The following ACCS variants were observed in gnomAD, a reference collection of about 807,000 sequenced individuals.
The protein encoded by ACCS is 1-aminocyclopropane-1-carboxylate synthase-like protein 1.
ACCS carries 42 observed loss-of-function variants against 59.8 expected under a neutral mutation model. The ratio of observed to expected loss-of-function variants is 0.70; its 90% CI spans 0.55 to 0.91. ACCS has a LOEUF of 0.91. Among genes scored for constraint, ACCS ranks in the 40% least tolerant of loss-of-function variants. The pLI is 0.00. For missense variants in ACCS, 602 were observed against 630.4 expected (o/e 0.95, Z 0.48); for synonymous variants, 230 against 240.3 (o/e 0.96, Z 0.40).
rs201804463 is a variant in ACCS at position 44,074,693 on chromosome 11, C to G, written c.489+12C>G. On this transcript the variant is annotated intron_variant, in intron 5 of 14. Coordinates refer to ENST00000263776, the MANE Select transcript of ACCS (RefSeq NM_032592.4). ...TCAGACCAGAGAATGTGAGTGGCCC[C>G]CTCCACTGCTCCTTCCTGTTCTCCT... The G allele has an allele frequency of 3.8e-6, 6 of 1,561,330 alleles. No homozygotes were observed. Among genetic ancestry groups the G allele is most frequent in the Non-Finnish European group, 5.2e-6 (6 of 1,153,904 alleles).
intron 6 of ACCS, among the ~76,000 whole-genome samples, chr11:44,076,141 T>C (rs1384088925): frequency 6.6e-6 from 1 of 152,194 alleles, no homozygotes; most frequent in African/African-American, 2.4e-5. Flanking sequence ...AGTGCTCTCT[T>C]AGCATGGAAG....
chr11:44,077,713 C>T, intron 7 of ACCS, 132 bp from the exon 8 acceptor site: 1 of 1,465,782 alleles, frequency 6.8e-7, no homozygotes, highest in South Asian at 1.4e-5. Context: ...GGGAGGGACC[C>T]CACCTGCTTT....
intron 12 of ACCS, among the ~76,000 whole-genome samples, chr11:44,082,613 C>T (rs915286888): frequency 3.3e-5 from 5 of 152,118 alleles, no homozygotes; most frequent in Non-Finnish European, 7.3e-5. Context: ...TGTTTATAGT[C>T]ACATCAGAGA....
At chr11:44,074,332 ATGTT>A (rs1953205857) in intron 4 of ACCS, among the ~76,000 whole-genome samples, 1 of 152,088 alleles carries the variant, frequency 6.6e-6, no homozygotes, top group Non-Finnish European at 1.5e-5. Context: ...TGTAGTAATA[ATGTT>A]TATTAGTATA....
chr11:44,079,458 T>C lies in ACCS; in HGVS notation c.834-73T>C, dbSNP rs1953534568. On this transcript the variant is annotated intron_variant, in intron 9 of 14. Transcript: ENST00000263776. ...CCGGCCCCTCTGGATTTCTGATGTA[T>C]TACCTCCCCACCCTGTGGGACGCAT... 5 of 1,315,920 alleles carry C rather than the reference T, an allele frequency of 3.8e-6. No homozygotes were observed. The South Asian group carries it at 6.4e-5, about 17-fold the overall frequency. The allele number at this position is 1,315,920 out of a possible 1,614,324, so 81.5% of individuals were successfully genotyped here.
intron 2 of ACCS, 47 bp downstream of exon 2, chr11:44,067,962 G>A: frequency 6.5e-7 from 1 of 1,542,886 alleles, no homozygotes. Context: ...GAACTGCAGG[G>A]TGGGGTACCC....
chr11:44,068,246 A>G (rs1952884706), intron 2 of ACCS, among the ~76,000 whole-genome samples: 1 of 152,168 alleles, frequency 6.6e-6, no homozygotes, highest in Non-Finnish European at 1.5e-5. Context: ...TTTTACTTAT[A>G]GGTTGTGTGT....
intron 2 of ACCS, among the ~76,000 whole-genome samples, chr11:44,071,026 TA>T (rs1953024238): frequency 1.3e-5 from 2 of 152,084 alleles, no homozygotes; most frequent in Non-Finnish European, 2.9e-5. Context: ...GGTGGGGTTA[TA>T]GGGGGGACTT....
rs569098335 is a variant in ACCS at position 44,072,161 on chromosome 11, T to TTTA, written c.348+849_348+851dup. On this transcript the variant is annotated intron_variant, in intron 3 of 14. Coordinates refer to ENST00000263776, the MANE Select transcript of ACCS (RefSeq NM_032592.4). ...ATAGGGAATAGATTTTATTTATTTA[T>TTTA]TTATTTATTTATTTAAGATGGAGTC... The TTTA allele has an allele frequency of 1.0e-3, 153 of 151,832 alleles. 1 individual carries two copies. The highest frequency in any genetic ancestry group is 3.4e-3 in the African/African-American group (139 of 41,384). 9.4% of individuals were successfully genotyped at this position (151,832 alleles called of 1,614,324 possible). A position where few individuals can be genotyped will look rare whatever the true frequency, so the allele number is the denominator to read the frequency against.
intron 6 of ACCS, 60 bp downstream of exon 6, chr11:44,075,652 A>C: frequency 6.3e-7 from 1 of 1,584,496 alleles, no homozygotes; most frequent in South Asian, 1.1e-5. Flanking sequence ...CAGGGTTCCC[A>C]GTTGCCTGGC....
chr11:44,070,920 T>C (rs1283893378), intron 2 of ACCS, among the ~76,000 whole-genome samples: 1 of 152,198 alleles, frequency 6.6e-6, no homozygotes, highest in East Asian at 1.9e-4. Context: ...AGATACGGTG[T>C]GTACCTCAGT....
At chr11:44,073,597 G>A in intron 4 of ACCS, 80 bp downstream of exon 4, 1 of 1,411,574 alleles carries the variant, frequency 7.1e-7, no homozygotes, top group Non-Finnish European at 9.7e-7. Context: ...TGTTATAACT[G>A]GGAAGTCAGG....
At chr11:44,077,503 G>A in intron 7 of ACCS, 127 bp downstream of exon 7, 1 of 1,496,328 alleles carries the variant, frequency 6.7e-7, no homozygotes, top group South Asian at 1.4e-5. Context: ...GGAGCCTTCT[G>A]TTGCTGCATG....
At chr11:44,068,023 A>G in intron 2 of ACCS, 108 bp downstream of exon 2, 1 of 1,247,526 alleles carries the variant, frequency 8.0e-7, no homozygotes, top group Non-Finnish European at 1.1e-6. Context: ...GGTTGGAGTT[A>G]TGGTACTCTG....
chr11:44,070,649 T>G (rs1423950913), intron 2 of ACCS, among the ~76,000 whole-genome samples: 1 of 152,118 alleles, frequency 6.6e-6, no homozygotes, highest in East Asian at 1.9e-4. Flanking sequence ...TGCCTGCCTA[T>G]CCTATGACAA....
intron 2 of ACCS, among the ~76,000 whole-genome samples, chr11:44,069,995 A>G (rs1460317132): frequency 2.0e-5 from 3 of 152,340 alleles, no homozygotes; most frequent in East Asian, 3.9e-4. Context: ...CAGCCAGTGC[A>G]AAGGCTCCAG....
At chr11:44,067,955 C>G in intron 2 of ACCS, 40 bp downstream of exon 2, 2 of 1,554,400 alleles carry the variant, frequency 1.3e-6, no homozygotes, top group Non-Finnish European at 1.7e-6. Flanking sequence ...CAAGAGAGAA[C>G]TGCAGGGTGG....
At chr11:44,079,703 C>A in intron 10 of ACCS, 83 bp downstream of exon 10, 2 of 1,269,146 alleles carry the variant, frequency 1.6e-6, no homozygotes, top group Non-Finnish European at 2.2e-6. Context: ...GCCCACAGGG[C>A]ATGGCCTGCC....
rs755857092 is a variant in ACCS at position 44,073,513 on chromosome 11, C to G, written c.415C>G (p.Leu139Val). ...GCAGTATGCTGACTGGAGGGGACAT[C>G]TGTTGTAAGTAGTTGCCATAGGGTG... is the stretch of plus-strand genomic sequence containing the variant. ...LLQYADWRGH[L>V]FLREEVAKFL... Residue 139 changes from leucine to valine, a missense_variant, in exon 4 of 15, where the codon CTG becomes GTG. Coordinates refer to ENST00000263776, the MANE Select transcript of ACCS (RefSeq NM_032592.4). 9 of 1,607,474 alleles carry G rather than the reference C, an allele frequency of 5.6e-6. No homozygotes were observed. The highest frequency in any genetic ancestry group is 7.6e-6 in the Non-Finnish European group (9 of 1,177,042).
Sources: gnomAD v4.1 joint callset for allele counts (sites outside exome capture counted in the v4.1 genomes callset) on GRCh38, gnomAD v4.1.1 for gene constraint, MANE v1.5 for transcripts, NCBI Gene and HGNC (gene_info 2026-07-23, HGNC 2026-07-21) for gene names.